CD226: variants seen among roughly 807,000 people sequenced by gnomAD.
CD226 encodes CD226 antigen.
A neutral mutation model predicts 34.9 loss-of-function variants in CD226; 24 were observed. The ratio of observed to expected loss-of-function variants is 0.69; its 90% CI spans 0.50 to 0.97. The LOEUF is 0.97. CD226 is among the 50% of genes least tolerant of loss of function. CD226 has a pLI of 0.00. For missense variants in CD226, 397 were observed against 412.7 expected (o/e 0.96, Z 0.33); for synonymous variants, 148 against 147.4 (o/e 1.00, Z -0.03).
At position 69,859,500 on chromosome 18, in the gene CD226, C is replaced by T. The variant is rs988182266; in HGVS notation, c.*4814G>A. 3.3e-5 allele frequency: 5 copies of T among 151,110 alleles called. No homozygotes were observed. The highest frequency in any genetic ancestry group is 9.7e-5 in the African/African-American group (4 of 41,116). The allele number at this position is 151,110 out of a possible 1,614,324, so 9.4% of individuals were successfully genotyped here. A position where few individuals can be genotyped will look rare whatever the true frequency, so the allele number is the denominator to read the frequency against. ...TTAATACAAATATTTCTGAAAGAGA[C>T]ATGAGAAGAGTATTTTATGTGGTGA... On this transcript the variant is annotated 3_prime_UTR_variant, in exon 6 of 6. Transcript: ENST00000582621.
At chr18:69,878,039 G>T (rs1332156296) in intron 3 of CD226, among the ~76,000 whole-genome samples, 1 of 152,150 alleles carries the variant, frequency 6.6e-6, no homozygotes, top group Non-Finnish European at 1.5e-5. Flanking sequence ...AAATAAAAAG[G>T]AAAAGCAAAT....
chr18:69,959,521 C>T (rs1030015963), upstream of CD226, among the ~76,000 whole-genome samples: 2 of 152,156 alleles, frequency 1.3e-5, no homozygotes, highest in African/African-American at 4.8e-5. Flanking sequence ...ACTTGCTGTT[C>T]TAACAAAGGG....
intron 2 of CD226, among the ~76,000 whole-genome samples, chr18:69,935,527 G>A (rs896334953): frequency 3.9e-5 from 6 of 152,180 alleles, no homozygotes; most frequent in African/African-American, 1.4e-4. Context: ...TCTTACTCAT[G>A]TGTGAGGCCA....
chr18:69,876,981 A>G (rs1983911642), intron 3 of CD226, among the ~76,000 whole-genome samples: 1 of 146,692 alleles, frequency 6.8e-6, no homozygotes, highest in South Asian at 2.1e-4. Flanking sequence ...CTCCTGCCTC[A>G]GCCTCCTGAG....
chr18:69,948,957 A>G (rs2055823264), upstream of CD226, among the ~76,000 whole-genome samples: 2 of 152,232 alleles, frequency 1.3e-5, no homozygotes, highest in African/African-American at 4.8e-5. Context: ...AAAGCCAGAG[A>G]GAACAAATCA....
chr18:69,938,518 A>G (rs2055683058), intron 2 of CD226, among the ~76,000 whole-genome samples: 1 of 152,204 alleles, frequency 6.6e-6, no homozygotes, highest in Non-Finnish European at 1.5e-5. Flanking sequence ...GTTGTTCCAT[A>G]ATTTCAATTG....
At chr18:69,949,376 T>G (rs2055827908), upstream of CD226, among the ~76,000 whole-genome samples, 1 of 152,304 alleles carries the variant, frequency 6.6e-6, no homozygotes. Flanking sequence ...ATGGAAGACC[T>G]CCATCAGAAT....
At chr18:69,955,624 A>G (rs1471824200) in intron 1 of CD226, among the ~76,000 whole-genome samples, 1 of 152,008 alleles carries the variant, frequency 6.6e-6, no homozygotes, top group Admixed American at 6.6e-5. Flanking sequence ...TCCCAAAGTG[A>G]AGGCCGAGGC....
chr18:69,914,607 C>A (rs1373391364), intron 2 of CD226, among the ~76,000 whole-genome samples: 2 of 152,156 alleles, frequency 1.3e-5, no homozygotes, highest in African/African-American at 4.8e-5. Context: ...TTTTGGCCCT[C>A]CTTCTAATTG....
chr18:69,871,421 T>A (rs1983514243), intron 4 of CD226, among the ~76,000 whole-genome samples: 1 of 152,226 alleles, frequency 6.6e-6, no homozygotes, highest in African/African-American at 2.4e-5. Context: ...GACAGATTAG[T>A]GCTAAATGCT....
At chr18:69,888,814 T>C (rs985634712) in intron 3 of CD226, among the ~76,000 whole-genome samples, 5 of 152,210 alleles carry the variant, frequency 3.3e-5, no homozygotes, top group African/African-American at 7.2e-5. Flanking sequence ...TGTTCTTCAA[T>C]ATAATAGTGT....
chr18:69,869,799 C>CTTTTTTT (rs1002754140), intron 4 of CD226, among the ~76,000 whole-genome samples: 7 of 121,688 alleles, frequency 5.8e-5, no homozygotes, highest in East Asian at 2.4e-4. Context: ...TCTTTTTTTT[C>CTTTTTTT]TTTTTTTTTT....
chr18:69,879,367 T>C (rs111890788), intron 3 of CD226, among the ~76,000 whole-genome samples: 5,086 of 151,382 alleles, frequency 0.034, 142 homozygotes, highest in Non-Finnish European at 0.049. Flanking sequence ...TGAGAGGCCA[T>C]TATAGAGGGC....
Position 69,867,418 on chromosome 18 carries a change from T to A in CD226, c.831-7A>T. 1 of 1,521,498 alleles carries A rather than the reference T, an allele frequency of 6.6e-7. No individual in the cohort carries two copies. Among genetic ancestry groups the A allele is most frequent in the Non-Finnish European group, 9.1e-7 (1 of 1,095,744 alleles). 94.2% of individuals were successfully genotyped at this position (1,521,498 alleles called of 1,614,324 possible). On this transcript the variant is annotated splice_region_variant and splice_polypyrimidine_tract_variant and intron_variant, in intron 4 of 5. Transcript: ENST00000582621. ...TCTCTCTCTCCTTCTCCTTCTGGAA[T>A]GCATATTCAATAAAGGATATAAAGA...
At chr18:69,937,173 T>C (rs920297698) in intron 2 of CD226, among the ~76,000 whole-genome samples, 2 of 152,240 alleles carry the variant, frequency 1.3e-5, no homozygotes, top group African/African-American at 2.4e-5. Flanking sequence ...AACCAAGCCA[T>C]GAATTGTAAA....
chr18:69,946,800 A>C lies in CD226; in HGVS notation c.316T>G (p.Tyr106Asp). The C allele has an allele frequency of 6.2e-7, 1 of 1,614,158 alleles. No individual in the cohort carries two copies. Among genetic ancestry groups the C allele is most frequent in the Non-Finnish European group, 8.5e-7 (1 of 1,180,020 alleles). The change falls in exon 2 of 6, where the codon TAT becomes GAT. Residue 106 changes from tyrosine to aspartate, a missense_variant. By Grantham distance (160) the Tyr-to-Asp change is radical (BLOSUM62 -3). Coordinates refer to ENST00000582621, the MANE Select transcript of CD226 (RefSeq NM_001303618.2). ...GGGTAAGTGTAAAGAGAGCAGGAAT[A>C]GTAGCCAACATCATCTTCAGAGGCA... ...RNASEDDVGYYSCSLYTYPQG... is the reference protein window; with the variant it reads ...RNASEDDVGYDSCSLYTYPQG...
At chr18:69,890,575 C>T (rs937289082) in intron 3 of CD226, among the ~76,000 whole-genome samples, 6 of 152,080 alleles carry the variant, frequency 3.9e-5, no homozygotes, top group African/African-American at 1.4e-4. Context: ...GATGGGGAAG[C>T]AGTTTGGTCT....
intron 1 of CD226, chr18:69,956,477 A>G (rs376246873): frequency 6.6e-6 from 1 of 152,244 alleles, no homozygotes; most frequent in Non-Finnish European, 1.5e-5. Flanking sequence ...CTTATTCTCA[A>G]GAACTTTACG....
intron 3 of CD226, among the ~76,000 whole-genome samples, chr18:69,878,854 G>A (rs11151544): frequency 0.39 from 59,064 of 151,910 alleles, 13,851 homozygotes; most frequent in East Asian, 0.65. Flanking sequence ...CCATTTTATC[G>A]GGGGAACCTG....
Sources: allele counts gnomAD v4.1 joint callset (sites outside exome capture counted in the v4.1 genomes callset), GRCh38; gene constraint gnomAD v4.1.1; transcripts MANE v1.5; gene names NCBI Gene and HGNC (gene_info 2026-07-23, HGNC 2026-07-21).